TP53BP2: variants seen among roughly 807,000 people sequenced by gnomAD.
TP53BP2 encodes tumor protein p53 binding protein 2.
Under a neutral mutation model 126.2 loss-of-function variants are expected in TP53BP2, and 62 were observed. The ratio of observed to expected loss-of-function variants is 0.49; its 90% CI spans 0.40 to 0.61. TP53BP2 has a LOEUF of 0.61. Among genes scored for constraint, TP53BP2 ranks in the 20% least tolerant of loss-of-function variants. The pLI is 0.00. For synonymous variants in TP53BP2, 485 were observed against 502.9 expected, an observed-to-expected ratio of 0.96 and a Z score of 0.48; for missense variants, 1,215 against 1,402.8, an observed-to-expected ratio of 0.87 and a Z score of 2.14.
intron 4 of TP53BP2, among the ~76,000 whole-genome samples, chr1:223,809,597 A>G (rs1050559153): frequency 6.6e-6 from 1 of 152,134 alleles, no homozygotes; most frequent in African/African-American, 2.4e-5. Flanking sequence ...AAAAATAAAA[A>G]TAAGTAAATC....
At chr1:223,842,955 G>A (rs1214348287) in intron 1 of TP53BP2, among the ~76,000 whole-genome samples, 6 of 152,192 alleles carry the variant, frequency 3.9e-5, no homozygotes. Flanking sequence ...TACTAACAAT[G>A]GCAGGTATCT....
chr1:223,844,075 GT>G lies in TP53BP2; in HGVS notation c.27+1578del, dbSNP rs201484189. Among the ~76,000 whole-genome samples the G allele has an allele frequency of 1.4e-3, 212 of 152,092 alleles. 3 individuals carry two copies. In the East Asian group the frequency reaches 0.029, roughly 20 times the overall value. ...TACAGATGATGAAACTGAGGGACAA[GT>G]TTTTTTTAAGTGGCTACGTCACTAA... is the stretch of plus-strand genomic sequence containing the variant. On this transcript the variant is annotated intron_variant, in intron 1 of 17. Coordinates refer to ENST00000343537, the MANE Select transcript of TP53BP2 (RefSeq NM_001031685.3).
At chr1:223,840,458 C>G (rs1295186960) in intron 1 of TP53BP2, among the ~76,000 whole-genome samples, 1 of 152,230 alleles carries the variant, frequency 6.6e-6, no homozygotes, top group Non-Finnish European at 1.5e-5. Context: ...GATTCCTAAA[C>G]TCTTAATTCC....
At chr1:223,836,751 C>T (rs1336469630) in intron 1 of TP53BP2, among the ~76,000 whole-genome samples, 3 of 152,002 alleles carry the variant, frequency 2.0e-5, no homozygotes, top group Non-Finnish European at 2.9e-5. Flanking sequence ...TGAGGCCAAA[C>T]AGGTGCCCCA....
intron 2 of TP53BP2, among the ~76,000 whole-genome samples, chr1:223,814,785 A>C (rs1389608116): frequency 1.3e-5 from 2 of 151,652 alleles, no homozygotes; most frequent in African/African-American, 2.4e-5. Flanking sequence ...TTTTTTTTTT[A>C]ATTGTAGTTT....
intron 5 of TP53BP2, among the ~76,000 whole-genome samples, chr1:223,804,673 T>C (rs894746032): frequency 5.9e-5 from 9 of 152,206 alleles, no homozygotes; most frequent in Non-Finnish European, 1.0e-4. Context: ...GCAGCTCATG[T>C]AGAAATGGGA....
At chr1:223,795,329 T>C (rs1662278712) in intron 13 of TP53BP2, among the ~76,000 whole-genome samples, 1 of 152,222 alleles carries the variant, frequency 6.6e-6, no homozygotes, top group African/African-American at 2.4e-5. Flanking sequence ...CCTCACTCCA[T>C]CCAGAACCCT....
At chr1:223,828,637 A>G (rs1201517443) in intron 1 of TP53BP2, among the ~76,000 whole-genome samples, 1 of 152,244 alleles carries the variant, frequency 6.6e-6, no homozygotes, top group East Asian at 1.9e-4. Context: ...TTAGAATGGA[A>G]TATTATTCAG....
chr1:223,808,658 G>GA (rs573190424), intron 4 of TP53BP2, among the ~76,000 whole-genome samples: 3 of 141,336 alleles, frequency 2.1e-5, no homozygotes, highest in East Asian at 2.1e-4. Flanking sequence ...GAAAACAAAG[G>GA]AAAAAAAAAT....
At chr1:223,828,899 G>A (rs1275029639) in intron 1 of TP53BP2, among the ~76,000 whole-genome samples, 1 of 151,996 alleles carries the variant, frequency 6.6e-6, no homozygotes, top group African/African-American at 2.4e-5. Flanking sequence ...TGTAATTAGT[G>A]GTGATAGCAG....
chr1:223,793,448 G>GA lies in TP53BP2; in HGVS notation c.2725-9dup. The GA allele has an allele frequency of 6.4e-6, 10 of 1,559,180 alleles. No individual in the cohort carries two copies. Among genetic ancestry groups the GA allele is most frequent in the Non-Finnish European group, 7.8e-6 (9 of 1,156,766 alleles). On this transcript the variant is annotated splice_polypyrimidine_tract_variant and intron_variant, in intron 13 of 17. Transcript: ENST00000343537. ...CAAGTTTGTCCTTTTACCCTGCAAA[G>GA]AAAATGGGTGGAAAATTTAGGATCC...
intron 11 of TP53BP2, among the ~76,000 whole-genome samples, chr1:223,799,278 T>C (rs893092576): frequency 2.0e-5 from 3 of 152,174 alleles, no homozygotes; most frequent in Non-Finnish European, 2.9e-5. Context: ...TGTTAACTAG[T>C]TTTAAATTTC....
At chr1:223,780,923 A>G (rs1268385436) in intron 17 of TP53BP2, 29 bp from the exon 18 acceptor site, 1 of 1,596,012 alleles carries the variant, frequency 6.3e-7, no homozygotes, top group African/African-American at 1.3e-5. Context: ...AATTTTACAT[A>G]CTATAATAGA....
At chr1:223,813,350 AT>A (rs1403767642) in intron 3 of TP53BP2, among the ~76,000 whole-genome samples, 1 of 151,968 alleles carries the variant, frequency 6.6e-6, no homozygotes, top group Non-Finnish European at 1.5e-5. Flanking sequence ...TACCTCCGAA[AT>A]TTTCAATTCA....
intron 1 of TP53BP2, among the ~76,000 whole-genome samples, chr1:223,831,866 A>T (rs931370442): frequency 6.6e-6 from 1 of 152,040 alleles, no homozygotes; most frequent in Non-Finnish European, 1.5e-5. Flanking sequence ...CCCTTCCAAA[A>T]ATTCAAAGTC....
Position 223,845,684 on chromosome 1 carries a change from A to C in TP53BP2, c.-4T>G. ...TCATCTTGGACCCGAACCGCATGGA[A>C]GCGGGTGGCCAGACTGCGGCCCCGG... On this transcript the variant is annotated 5_prime_UTR_variant, in exon 1 of 18. Transcript: ENST00000343537. 1.9e-6 allele frequency: 3 copies of C among 1,547,920 alleles called. No individual in the cohort carries two copies. Among genetic ancestry groups the C allele is most frequent in the Non-Finnish European group, 2.6e-6 (3 of 1,154,080 alleles).
chr1:223,802,802 TA>T lies in TP53BP2; in HGVS notation c.924del (p.Asp308GlufsTer7), dbSNP rs1246584917. ...CGGTCCCTCAGCTCATTAACACGCTTATCCATGACTGCCACTTCTGAATTAC... is the reference window on the plus strand; with the variant it reads ...CGGTCCCTCAGCTCATTAACACGCTTTCCATGACTGCCACTTCTGAATTAC... ...NKRNSEVAVM[D>X]KRVNELRDRL... On this transcript the variant is annotated frameshift_variant, in exon 8 of 18. Coordinates refer to ENST00000343537, the MANE Select transcript of TP53BP2 (RefSeq NM_001031685.3). LOFTEE classifies it high-confidence loss of function. 1.2e-6 allele frequency: 2 copies of T among 1,614,184 alleles called. No homozygotes were observed. The highest frequency in any genetic ancestry group is 8.5e-7 in the Non-Finnish European group (1 of 1,180,020).
chr1:223,844,151 G>A (rs948184518), intron 1 of TP53BP2, among the ~76,000 whole-genome samples: 4 of 152,172 alleles, frequency 2.6e-5, no homozygotes, highest in African/African-American at 9.7e-5. Flanking sequence ...CAAAGCTGGT[G>A]TAAGTGCCAT....
chr1:223,814,907 C>A (rs538189286), intron 2 of TP53BP2, among the ~76,000 whole-genome samples: 6 of 152,140 alleles, frequency 3.9e-5, no homozygotes, highest in Non-Finnish European at 8.8e-5. Flanking sequence ...TCTATATTTG[C>A]CCCTCTTCCA....
Sources: gnomAD v4.1 joint callset for allele counts (sites outside exome capture counted in the v4.1 genomes callset) on GRCh38, gnomAD v4.1.1 for gene constraint, MANE v1.5 for transcripts, NCBI Gene and HGNC (gene_info 2026-07-23, HGNC 2026-07-21) for gene names.